POU6F2: variants seen among roughly 807,000 people sequenced by gnomAD.
POU6F2 encodes the protein POU domain, class 6, transcription factor 2.
Under a neutral mutation model 71.3 loss-of-function variants are expected in POU6F2, and 31 were observed. That is an observed-to-expected ratio of 0.43 (90% CI 0.33 to 0.59). The LOEUF is 0.59. POU6F2 is among the 20% of genes least tolerant of loss of function. The pLI, the probability that POU6F2 is intolerant of heterozygous loss-of-function variation, is 0.04. For synonymous variants in POU6F2, 347 were observed against 355.7 expected, an observed-to-expected ratio of 0.98 and a Z score of 0.27; for missense variants, 783 against 856.8, an observed-to-expected ratio of 0.91 and a Z score of 1.07.
At chr7:39,034,380 GGA>G (rs1007704709) in intron 1 of POU6F2, 74 of 301,838 alleles carry the variant, frequency 2.5e-4, no homozygotes, top group South Asian at 1.8e-3. Flanking sequence ...TGCAAGAGTA[GGA>G]GAGAGGGGGG....
chr7:39,133,219 T>C (rs570539057), intron 2 of POU6F2, among the ~76,000 whole-genome samples: 2 of 152,324 alleles, frequency 1.3e-5, no homozygotes, highest in African/African-American at 4.8e-5. Flanking sequence ...TCTCTGAGTG[T>C]TGTAGTCAGC....
At position 39,431,243 on chromosome 7, in the gene POU6F2, G is replaced by A. The variant is rs145219418; in HGVS notation, c.1114-1834G>A. On this transcript the variant is annotated intron_variant, in intron 6 of 9. Transcript: ENST00000518318. ...TTATTGGCCTCCATTGACAAATGCC[G>A]TTGATACTTGACATCCGCACAAGTC... Among the ~76,000 whole-genome samples the A allele has an allele frequency of 2.9e-3, 434 of 152,254 alleles. 5 individuals are homozygous for A. Among genetic ancestry groups the A allele is most frequent in the African/African-American group, 9.5e-3 (395 of 41,542 alleles).
At chr7:39,079,703 A>C (rs947972702) in intron 1 of POU6F2, among the ~76,000 whole-genome samples, 2 of 152,194 alleles carry the variant, frequency 1.3e-5, no homozygotes, top group Admixed American at 6.5e-5. Flanking sequence ...GGATTAAAGA[A>C]AATTTCAGCC....
chr7:39,296,723 TA>T (rs1784852412), intron 4 of POU6F2, among the ~76,000 whole-genome samples: 1 of 152,220 alleles, frequency 6.6e-6, no homozygotes. Flanking sequence ...GGAACAGATG[TA>T]ACTTTACATT....
intron 1 of POU6F2, among the ~76,000 whole-genome samples, chr7:39,027,066 G>A (rs1190038944): frequency 6.6e-6 from 1 of 152,064 alleles, no homozygotes; most frequent in Non-Finnish European, 1.5e-5. Flanking sequence ...GTATCAAGTA[G>A]GTTTTGCTTA....
intron 4 of POU6F2, among the ~76,000 whole-genome samples, chr7:39,283,920 G>A (rs553172481): frequency 2.6e-5 from 4 of 152,198 alleles, no homozygotes; most frequent in South Asian, 2.1e-4. Context: ...TAATACAAAA[G>A]GATACAGATA....
At chr7:39,455,934 G>T (rs1788790840) in intron 8 of POU6F2, among the ~76,000 whole-genome samples, 1 of 152,166 alleles carries the variant, frequency 6.6e-6, no homozygotes, top group East Asian at 1.9e-4. Context: ...TTATGTTTAT[G>T]AGTCACTGCC....
intron 8 of POU6F2, among the ~76,000 whole-genome samples, chr7:39,452,303 A>G (rs1240562888): frequency 6.6e-6 from 1 of 152,184 alleles, no homozygotes; most frequent in African/African-American, 2.4e-5. Flanking sequence ...GCCTATATAT[A>G]TGTATATATA....
At chr7:39,149,323 C>A (rs181570227) in intron 2 of POU6F2, among the ~76,000 whole-genome samples, 115 of 152,286 alleles carry the variant, frequency 7.6e-4, no homozygotes, top group East Asian at 1.7e-3. Context: ...AATATTATGG[C>A]AAAATCTCAT....
chr7:39,091,205 T>C (rs1023767822), intron 2 of POU6F2, among the ~76,000 whole-genome samples: 1 of 152,176 alleles, frequency 6.6e-6, no homozygotes, highest in African/African-American at 2.4e-5. Context: ...CTTTTCACCA[T>C]ATTTGTTTGT....
At chr7:39,350,040 T>G (rs1489184433) in intron 5 of POU6F2, among the ~76,000 whole-genome samples, 1 of 152,164 alleles carries the variant, frequency 6.6e-6, no homozygotes, top group Non-Finnish European at 1.5e-5. Context: ...TGCTCAGAAC[T>G]AGTAGCTGTG....
intron 2 of POU6F2, among the ~76,000 whole-genome samples, chr7:39,185,046 T>G (rs2128742161): frequency 6.6e-6 from 1 of 152,354 alleles, no homozygotes; most frequent in East Asian, 1.9e-4. Context: ...ACATATCATT[T>G]TAACAACTGG....
intron 4 of POU6F2, among the ~76,000 whole-genome samples, chr7:39,247,961 C>A (rs939988507): frequency 4.6e-5 from 7 of 152,078 alleles, no homozygotes; most frequent in Admixed American, 1.3e-4. Context: ...TGGGATGGAT[C>A]CTTTTCCTAA....
chr7:39,127,512 TGG>T (rs1306213447), intron 2 of POU6F2, among the ~76,000 whole-genome samples: 1 of 152,086 alleles, frequency 6.6e-6, no homozygotes, highest in Non-Finnish European at 1.5e-5. Flanking sequence ...GACATCCTAC[TGG>T]GGGAGACAGG....
chr7:39,207,375 T>A lies in POU6F2; in HGVS notation c.370-17T>A, dbSNP rs1584601918. ...GTTCCACAGGAAAGTGAGCTAGCTG[T>A]ATCTGTTTCCTTGCAGCCACTTCTG... On this transcript the variant is annotated splice_polypyrimidine_tract_variant and intron_variant, in intron 3 of 9. Coordinates refer to ENST00000518318, the MANE Select transcript of POU6F2 (RefSeq NM_001370959.1). 7 of 1,611,618 alleles carry A rather than the reference T, an allele frequency of 4.3e-6. No individual in the cohort carries two copies. In the East Asian group the frequency reaches 1.3e-4, roughly 31 times the overall value.
At chr7:39,169,217 A>G (rs1793169121) in intron 2 of POU6F2, among the ~76,000 whole-genome samples, 3 of 152,210 alleles carry the variant, frequency 2.0e-5, no homozygotes, top group African/African-American at 7.2e-5. Context: ...TAACTTTAAC[A>G]CCTTTATTTT....
At chr7:39,260,295 A>G (rs1394473900) in intron 4 of POU6F2, among the ~76,000 whole-genome samples, 1 of 149,334 alleles carries the variant, frequency 6.7e-6, no homozygotes, top group Non-Finnish European at 1.5e-5. Flanking sequence ...CACTCTCCAT[A>G]CCATGTTCAC....
chr7:39,327,922 T>C (rs1785548492), intron 4 of POU6F2, among the ~76,000 whole-genome samples: 2 of 151,692 alleles, frequency 1.3e-5, no homozygotes, highest in East Asian at 1.9e-4. Context: ...AAAATGCTAA[T>C]TGGGTTTCTT....
intron 7 of POU6F2, among the ~76,000 whole-genome samples, chr7:39,444,751 A>G (rs1006361117): frequency 1.3e-5 from 2 of 152,244 alleles, no homozygotes; most frequent in Non-Finnish European, 2.9e-5. Flanking sequence ...TCCCAAAGTC[A>G]GGGTCTCTTC....
Sources: gnomAD v4.1 joint callset for allele counts (sites outside exome capture counted in the v4.1 genomes callset) on GRCh38, gnomAD v4.1.1 for gene constraint, MANE v1.5 for transcripts, NCBI Gene and HGNC (gene_info 2026-07-23, HGNC 2026-07-21) for gene names.